ARID1B: variants seen among roughly 807,000 people sequenced by gnomAD.
ARID1B encodes the protein AT-rich interactive domain-containing protein 1B.
ARID1B carries 30 observed loss-of-function variants against 212.3 expected under a neutral mutation model. The observed-to-expected ratio is 0.14, with a 90% CI of 0.11 to 0.19. The LOEUF is 0.19. Among genes scored for constraint, ARID1B ranks in the 10% least tolerant of loss-of-function variants. The probability of loss-of-function intolerance (pLI) is 1.00; values close to 1 mark genes in which losing one functional copy is unlikely to be tolerated. For synonymous variants in ARID1B, 1,402 were observed against 1,301.7 expected (o/e 1.08, Z -1.66); for missense variants, 2,891 against 3,204.0 (o/e 0.90, Z 2.36).
intron 1 of ARID1B, among the ~76,000 whole-genome samples, chr6:156,788,864 ATACT>A (rs745772120): frequency 6.2e-4 from 94 of 152,328 alleles, no homozygotes; most frequent in Middle Eastern, 3.4e-3. Context: ...TTATGAACAA[ATACT>A]TACTGAGCAC....
intron 6 of ARID1B, among the ~76,000 whole-genome samples, chr6:157,114,481 G>A (rs969189077): frequency 5.7e-5 from 7 of 122,896 alleles, no homozygotes; most frequent in Admixed American, 1.1e-4. Flanking sequence ...CTGAGATCAC[G>A]CCACTGCACT....
Position 156,892,561 on chromosome 6 carries a change from A to G in ARID1B, c.1987-8815A>G, listed in dbSNP as rs1788026083. ...TATTTTAAAGCTATTATTTATATCC[A>G]TTAAAATGCCTAAATCTTAAGCATG... On this transcript the variant is annotated intron_variant, in intron 2 of 19. Coordinates refer to ENST00000636930, the MANE Select transcript of ARID1B (RefSeq NM_001374828.1). Among the ~76,000 whole-genome samples the G allele has an allele frequency of 3.3e-5, 5 of 152,250 alleles. No homozygotes were observed. In the South Asian group the frequency reaches 1.0e-3, roughly 31 times the overall value.
At chr6:156,932,283 T>A (rs756666443) in intron 3 of ARID1B, among the ~76,000 whole-genome samples, 5 of 152,110 alleles carry the variant, frequency 3.3e-5, no homozygotes, top group Non-Finnish European at 7.4e-5. Flanking sequence ...ATAAAGAAGG[T>A]TAAGGCCAGA....
At chr6:156,917,065 A>C (rs758203646) in intron 3 of ARID1B, among the ~76,000 whole-genome samples, 1 of 152,154 alleles carries the variant, frequency 6.6e-6, no homozygotes, top group Non-Finnish European at 1.5e-5. Context: ...TTGTGCCCTC[A>C]TAGCCAGAAA....
At chr6:157,159,347 A>G (rs1790775260) in intron 8 of ARID1B, among the ~76,000 whole-genome samples, 1 of 152,210 alleles carries the variant, frequency 6.6e-6, no homozygotes, top group South Asian at 2.1e-4. Flanking sequence ...CATTTTCTTC[A>G]CACCCCGACA....
chr6:156,962,424 T>C (rs1794447516), intron 4 of ARID1B, among the ~76,000 whole-genome samples: 1 of 152,254 alleles, frequency 6.6e-6, no homozygotes, highest in African/African-American at 2.4e-5. Flanking sequence ...TAGAAAAAGT[T>C]TTCCAGATGT....
chr6:157,197,251 TC>T (rs1249125432), intron 16 of ARID1B, among the ~76,000 whole-genome samples: 1 of 152,234 alleles, frequency 6.6e-6, no homozygotes, highest in African/African-American at 2.4e-5. Flanking sequence ...GGCTTTTCCC[TC>T]CCCGGAGCCA....
At chr6:157,036,752 G>A in intron 4 of ARID1B, 1 of 479,594 alleles carries the variant, frequency 2.1e-6, no homozygotes, top group South Asian at 1.6e-5. Flanking sequence ...TCAATTCTAG[G>A]CCATGCCTGT....
chr6:156,958,994 C>T (rs1226883682), intron 4 of ARID1B, among the ~76,000 whole-genome samples: 1 of 152,184 alleles, frequency 6.6e-6, no homozygotes, highest in African/African-American at 2.4e-5. Context: ...AACCTAAACA[C>T]CAAACCCCAA....
chr6:156,880,339 C>T (rs183254903), intron 2 of ARID1B, among the ~76,000 whole-genome samples: 2 of 152,250 alleles, frequency 1.3e-5, no homozygotes, highest in African/African-American at 4.8e-5. Context: ...CAAGGCATTT[C>T]TAAGATAGTA....
At chr6:157,026,847 G>T (rs1445492262) in intron 4 of ARID1B, among the ~76,000 whole-genome samples, 1 of 152,128 alleles carries the variant, frequency 6.6e-6, no homozygotes, top group Non-Finnish European at 1.5e-5. Context: ...AGAGGTGAAG[G>T]GGAGCAGAGT....
Position 157,208,174 on chromosome 6 carries a change from C to T in ARID1B, c.*283C>T, listed in dbSNP as rs573082485. The T allele has an allele frequency of 3.3e-5, 10 of 300,622 alleles. No individual in the cohort carries two copies. The highest frequency in any genetic ancestry group is 2.0e-4 in the Admixed American group (4 of 19,638). 18.6% of individuals were successfully genotyped at this position (300,622 alleles called of 1,614,324 possible). Reference sequence around the variant, plus strand: ...GTGCATTCAAAGGTCACTTTTTGTTCTTCACAGATCTTTTTAATGTTCTTT... The same window carrying T: ...GTGCATTCAAAGGTCACTTTTTGTTTTTCACAGATCTTTTTAATGTTCTTT... On this transcript the variant is annotated 3_prime_UTR_variant, in exon 20 of 20. Coordinates refer to ENST00000636930, the MANE Select transcript of ARID1B (RefSeq NM_001374828.1).
chr6:157,123,245 C>G (rs1232255569), intron 6 of ARID1B, among the ~76,000 whole-genome samples: 16 of 120,440 alleles, frequency 1.3e-4, no homozygotes, highest in Admixed American at 1.1e-3. Flanking sequence ...CCCGCCCCCC[C>G]CCCACACACA....
At chr6:157,107,703 A>G (rs1786596379) in intron 5 of ARID1B, 1 of 152,180 alleles carries the variant, frequency 6.6e-6, no homozygotes, top group Non-Finnish European at 1.5e-5. Context: ...AGGAAAGAAC[A>G]CGGGGGCTCT....
intron 4 of ARID1B, among the ~76,000 whole-genome samples, chr6:157,073,396 G>A (rs937135502): frequency 6.6e-6 from 1 of 151,670 alleles, no homozygotes; most frequent in Non-Finnish European, 1.5e-5. Flanking sequence ...GAGCCACCGC[G>A]CCTGGCCCTA....
At position 156,778,172 on chromosome 6, in the gene ARID1B, CCAG is replaced by C. The variant is rs1562375154; in HGVS notation, c.498_500del (p.Gln166del). The C allele has an allele frequency of 4.5e-6, 7 of 1,542,152 alleles. No individual in the cohort carries two copies. The highest frequency in any genetic ancestry group is 6.1e-6 in the Non-Finnish European group (7 of 1,146,682). ...GCGAAGCCCCCGCCGCGCCGCCCCA[CCAG>C]CAGCACCACCACCACCACCATGCCC... is the stretch of plus-strand genomic sequence containing the variant. On this transcript the variant is annotated inframe_deletion, in exon 1 of 20. Coordinates refer to ENST00000636930, the MANE Select transcript of ARID1B (RefSeq NM_001374828.1).
At chr6:156,861,256 T>C (rs1216930031) in intron 2 of ARID1B, among the ~76,000 whole-genome samples, 1 of 152,172 alleles carries the variant, frequency 6.6e-6, no homozygotes, top group Non-Finnish European at 1.5e-5. Flanking sequence ...TAGACTGGCA[T>C]GGTGTGCTGA....
At position 157,121,159 on chromosome 6, in the gene ARID1B, T is replaced by C. The variant is rs147504161; in HGVS notation, c.2581+10598T>C. On this transcript the variant is annotated intron_variant, in intron 6 of 19. Transcript: ENST00000636930. Reference sequence around the variant, plus strand: ...ATTTCCCCAAATTTCCTAGTTTTGCTTTCACTTTTTATTTGACTTTGTTTC... The same window carrying C: ...ATTTCCCCAAATTTCCTAGTTTTGCCTTCACTTTTTATTTGACTTTGTTTC... Among the ~76,000 whole-genome samples the C allele has an allele frequency of 1.4e-4, 22 of 152,340 alleles. No individual in the cohort carries two copies. The East Asian group carries it at 1.7e-3, about 12-fold the overall frequency.
At chr6:156,879,265 A>G (rs1228589308) in intron 2 of ARID1B, among the ~76,000 whole-genome samples, 1 of 152,220 alleles carries the variant, frequency 6.6e-6, no homozygotes, top group Non-Finnish European at 1.5e-5. Flanking sequence ...TTAATGTTGA[A>G]CATCTCTCTG....
Sources: allele counts gnomAD v4.1 joint callset (sites outside exome capture counted in the v4.1 genomes callset), GRCh38; gene constraint gnomAD v4.1.1; transcripts MANE v1.5; gene names NCBI Gene and HGNC (gene_info 2026-07-23, HGNC 2026-07-21).